WWOX: variants seen among roughly 807,000 people sequenced by gnomAD.
WWOX encodes WW domain containing oxidoreductase.
A neutral mutation model predicts 46.2 loss-of-function variants in WWOX; 69 were observed. The observed-to-expected ratio is 1.49, with a 90% confidence interval of 1.23 to 1.82. The LOEUF (loss-of-function observed/expected upper bound fraction) is 1.82. WWOX is among the 40% of genes most tolerant of loss of function. The probability of loss-of-function intolerance (pLI) is 0.00; values close to 1 mark genes in which losing one functional copy is unlikely to be tolerated. For missense variants in WWOX, 919 were observed against 542.6 expected (o/e 1.69, Z -6.89); for synonymous variants, 359 against 202.6 (o/e 1.77, Z -6.56).
chr16:79,061,564 A>G (rs1301588559), intron 8 of WWOX, among the ~76,000 whole-genome samples: 1 of 152,204 alleles, frequency 6.6e-6, no homozygotes, highest in Admixed American at 6.5e-5. Flanking sequence ...TTTATTTAGA[A>G]AGTAACACTC....
At chr16:78,487,746 A>G (rs2084675055) in intron 8 of WWOX, among the ~76,000 whole-genome samples, 1 of 152,074 alleles carries the variant, frequency 6.6e-6, no homozygotes, top group Middle Eastern at 3.2e-3. Context: ...GGGGAGTAAA[A>G]TGGCCCCTGG....
intron 8 of WWOX, chr16:78,826,028 A>T (rs1345274570): frequency 5.9e-6 from 3 of 508,196 alleles, no homozygotes; most frequent in Non-Finnish European, 1.1e-5. Context: ...TGGCAGTTGT[A>T]TTCGGAGTCT....
rs540173760 is a variant in WWOX, at chr16:78,787,527, G to A, written c.1056+354775G>A. Among the ~76,000 whole-genome samples the A allele has an allele frequency of 4.6e-5, 7 of 152,260 alleles. No homozygotes were observed. The East Asian group carries it at 1.3e-3, about 29-fold the overall frequency. Reference sequence around the variant, plus strand: ...TCTTTTTATGGTTGAGTGATATTCTGTTACATGGATATACCACTTTTTGTT... The same window carrying A: ...TCTTTTTATGGTTGAGTGATATTCTATTACATGGATATACCACTTTTTGTT... On this transcript the variant is annotated intron_variant, in intron 8 of 8. Transcript: ENST00000566780.
chr16:79,030,117 C>T (rs1267867625), intron 8 of WWOX, among the ~76,000 whole-genome samples: 1 of 152,138 alleles, frequency 6.6e-6, no homozygotes, highest in East Asian at 1.9e-4. Flanking sequence ...ACAAATGGAG[C>T]TTATTGTTCA....
intron 5 of WWOX, among the ~76,000 whole-genome samples, chr16:78,290,228 C>T (rs935004829): frequency 2.7e-5 from 4 of 148,798 alleles, no homozygotes; most frequent in South Asian, 2.1e-4. Context: ...ACTTAGAGAG[C>T]ACTCTGCGAG....
intron 8 of WWOX, among the ~76,000 whole-genome samples, chr16:78,845,405 A>T (rs1222532550): frequency 2.0e-5 from 3 of 152,196 alleles, no homozygotes; most frequent in African/African-American, 2.4e-5. Flanking sequence ...TTCCATTCCA[A>T]ACCCTTTTTA....
At chr16:78,277,200 A>C (rs1412231998) in intron 5 of WWOX, among the ~76,000 whole-genome samples, 1 of 152,158 alleles carries the variant, frequency 6.6e-6, no homozygotes, top group Non-Finnish European at 1.5e-5. Flanking sequence ...AAGGGGAGGA[A>C]AAAAAGGGGG....
chr16:78,756,380 TAGGACAGAACTCCAG>T (rs1385103850), intron 8 of WWOX, among the ~76,000 whole-genome samples: 1 of 152,124 alleles, frequency 6.6e-6, no homozygotes, highest in East Asian at 1.9e-4. Flanking sequence ...GCGGTTGAGA[TAGGACAGAACTCCAG>T]AGGACTCTTA....
At chr16:78,625,784 T>G (rs2046297920) in intron 8 of WWOX, among the ~76,000 whole-genome samples, 1 of 139,498 alleles carries the variant, frequency 7.2e-6, no homozygotes, top group Admixed American at 7.2e-5. Flanking sequence ...TTTTTGCCAG[T>G]ACTTAAAAGT....
At position 78,350,142 on chromosome 16, in the gene WWOX, C is replaced by G. The variant is rs1246992851; in HGVS notation, c.517-36718C>G. On this transcript the variant is annotated intron_variant, in intron 5 of 8. Transcript: ENST00000566780. ...GGCAATATTCTGTCATATGGGTTTA[C>G]CATACTTTTCTCAATCCACAATCTC... Among the ~76,000 whole-genome samples the G allele has an allele frequency of 4.1e-5, 5 of 121,310 alleles. 2 individuals carry two copies. Among genetic ancestry groups the G allele is most frequent in the Non-Finnish European group, 9.9e-5 (5 of 50,760 alleles). 79.6% of individuals were successfully genotyped at this position (121,310 alleles called of 152,430 possible).
chr16:78,145,370 G>T (rs2034161448), intron 4 of WWOX, among the ~76,000 whole-genome samples: 1 of 152,230 alleles, frequency 6.6e-6, no homozygotes, highest in South Asian at 2.1e-4. Flanking sequence ...GTGGTCAAAG[G>T]CCCCAAGAGC....
chr16:78,681,333 G>A (rs1490256946), intron 8 of WWOX, among the ~76,000 whole-genome samples: 1 of 152,188 alleles, frequency 6.6e-6, no homozygotes, highest in Non-Finnish European at 1.5e-5. Flanking sequence ...TGAGCCCAGA[G>A]GTAGAGGCTG....
chr16:78,640,602 C>T (rs1209428225), intron 8 of WWOX, among the ~76,000 whole-genome samples: 1 of 152,018 alleles, frequency 6.6e-6, no homozygotes, highest in Non-Finnish European at 1.5e-5. Flanking sequence ...TGTAACAAAC[C>T]TACACATCCT....
intron 8 of WWOX, among the ~76,000 whole-genome samples, chr16:78,618,183 A>G (rs1359458428): frequency 6.6e-6 from 1 of 152,190 alleles, no homozygotes; most frequent in Non-Finnish European, 1.5e-5. Context: ...TTGAGTCCCG[A>G]TCTCACTGAT....
chr16:78,599,498 C>T lies in WWOX; in HGVS notation c.1056+166746C>T, dbSNP rs79677723. Among the ~76,000 whole-genome samples the T allele has an allele frequency of 8.8e-3, 1,334 of 152,318 alleles. 23 individuals carry two copies. The highest frequency in any genetic ancestry group is 0.031 in the African/African-American group (1,292 of 41,580). On this transcript the variant is annotated intron_variant, in intron 8 of 8. Transcript: ENST00000566780. ...CCTCTGACTGGTGTTTTTCACTAAG[C>T]TGGCCCCATGGATGGCCCTGGTCAT... is the stretch of plus-strand genomic sequence containing the variant.
chr16:78,863,921 G>A (rs1320915155), intron 8 of WWOX, among the ~76,000 whole-genome samples: 1 of 152,044 alleles, frequency 6.6e-6, no homozygotes, highest in Non-Finnish European at 1.5e-5. Flanking sequence ...CACAGTTGTA[G>A]CATGTCCATC....
At chr16:78,952,287 A>T (rs189275523) in intron 8 of WWOX, among the ~76,000 whole-genome samples, 282 of 152,122 alleles carry the variant, frequency 1.9e-3, no homozygotes, top group African/African-American at 6.4e-3. Flanking sequence ...CCATGACTGC[A>T]TTAAATCCTT....
intron 8 of WWOX, among the ~76,000 whole-genome samples, chr16:78,441,041 C>G (rs908163048): frequency 1.3e-5 from 2 of 152,188 alleles, no homozygotes; most frequent in African/African-American, 2.4e-5. Flanking sequence ...CTCCCAGGTT[C>G]AAGCGATTCT....
intron 8 of WWOX, among the ~76,000 whole-genome samples, chr16:78,832,603 G>A (rs538092818): frequency 5.9e-5 from 9 of 152,232 alleles, no homozygotes; most frequent in Admixed American, 5.2e-4. Flanking sequence ...GGCATGGAGT[G>A]TGGGAAAATG....
Sources: gnomAD v4.1 joint callset for allele counts (sites outside exome capture counted in the v4.1 genomes callset) on GRCh38, gnomAD v4.1.1 for gene constraint, MANE v1.5 for transcripts, NCBI Gene and HGNC (gene_info 2026-07-23, HGNC 2026-07-21) for gene names.